MEGF6: variants seen among roughly 807,000 people sequenced by gnomAD.
MEGF6 encodes multiple epidermal growth factor-like domains protein 6.
Under a neutral mutation model 207.1 loss-of-function variants are expected in MEGF6, and 184 were observed. That is an observed-to-expected ratio of 0.89 (90% CI 0.79 to 1.00). The LOEUF (loss-of-function observed/expected upper bound fraction) is 1.00, where lower values mean the gene tolerates loss of function less well. MEGF6 is among the 50% of genes least tolerant of loss of function. The pLI is 0.00. For missense variants in MEGF6, 2,282 were observed against 2,202.9 expected, an observed-to-expected ratio of 1.04 and a Z score of -0.72; for synonymous variants, 1,038 against 910.0, an observed-to-expected ratio of 1.14 and a Z score of -2.53.
At chr1:3,512,413 C>G (rs1641385995) in intron 7 of MEGF6, among the ~76,000 whole-genome samples, 1 of 152,248 alleles carries the variant, frequency 6.6e-6, no homozygotes, top group Non-Finnish European at 1.5e-5. Flanking sequence ...CGTGGAACCA[C>G]ACACCACGAC....
rs2100944708 is a variant in MEGF6 at position 3,501,924 on chromosome 1, G to T, written c.2189-3C>A. The T allele has an allele frequency of 1.3e-6, 2 of 1,575,806 alleles. No homozygotes were observed. The highest frequency in any genetic ancestry group is 5.1e-5 in the East Asian group (2 of 39,440). Reference sequence around the variant, plus strand: ...GCCAAACGTCCCCACCGGGCACTCTGCAGGAGAAAGCACGAGGGGCCTTAG... The same window carrying T: ...GCCAAACGTCCCCACCGGGCACTCTTCAGGAGAAAGCACGAGGGGCCTTAG... On this transcript the variant is annotated splice_polypyrimidine_tract_variant and splice_region_variant and intron_variant, in intron 17 of 36. Transcript: ENST00000356575.
chr1:3,511,744 A>C, intron 8 of MEGF6, 57 bp from the exon 9 acceptor site: 1 of 1,566,866 alleles, frequency 6.4e-7, no homozygotes, highest in Non-Finnish European at 8.7e-7. Flanking sequence ...ACCCCCACCT[A>C]CCTTAGTTAC....
intron 4 of MEGF6, among the ~76,000 whole-genome samples, chr1:3,525,797 G>A (rs1044309240): frequency 4.6e-5 from 7 of 152,260 alleles, no homozygotes; most frequent in Non-Finnish European, 7.3e-5. Context: ...CAGGAACGCA[G>A]CGGGAAAGCA....
In MEGF6 at chr1:3,501,430, C is replaced by A. The variant is rs191039010; in HGVS notation, c.2315-122G>T. On this transcript the variant is annotated intron_variant, in intron 18 of 36. Transcript: ENST00000356575. ...GGTGGAACCACTGTTACCATCTCAG[C>A]CTGCCCCGGGGAGGGGAGAGGACCC... is the stretch of plus-strand genomic sequence containing the variant. 3.4e-4 allele frequency: 478 copies of A among 1,400,566 alleles called. 3 individuals are homozygous for A. The African/African-American group carries it at 5.8e-3, about 17-fold the overall frequency. 86.8% of individuals were successfully genotyped at this position (1,400,566 alleles called of 1,614,324 possible). A position where few individuals can be genotyped will look rare whatever the true frequency, so the allele number is the denominator to read the frequency against.
At chr1:3,509,018 G>A (rs1557732498) in intron 12 of MEGF6, 57 bp downstream of exon 12, 1 of 1,455,748 alleles carries the variant, frequency 6.9e-7, no homozygotes, top group South Asian at 1.4e-5. Flanking sequence ...TAGCCCGAGG[G>A]GTCGCTGGCT....
Position 3,558,429 on chromosome 1 carries a change from G to A in MEGF6, c.481+21396C>T, listed in dbSNP as rs182299881. Among the ~76,000 whole-genome samples, 678 of 152,318 alleles carry A rather than the reference G, an allele frequency of 4.5e-3. 8 individuals carry two copies. The highest frequency in any genetic ancestry group is 0.015 in the African/African-American group (616 of 41,578). On this transcript the variant is annotated intron_variant, in intron 4 of 36. Transcript: ENST00000356575. ...GCAGGAGGATCACTTGAGGCCAGGA[G>A]TTCAATATGTTGGGACAACTAAGGC...
At chr1:3,579,082 G>T (rs1643728306) in intron 4 of MEGF6, among the ~76,000 whole-genome samples, 1 of 152,242 alleles carries the variant, frequency 6.6e-6, no homozygotes, top group African/African-American at 2.4e-5. Flanking sequence ...AAAGCCCCAG[G>T]GCCACTGGGA....
chr1:3,576,125 C>A (rs1643634866), intron 4 of MEGF6, among the ~76,000 whole-genome samples: 1 of 152,256 alleles, frequency 6.6e-6, no homozygotes, highest in Non-Finnish European at 1.5e-5. Flanking sequence ...TGTGACTGCG[C>A]CGAGGCCTGC....
chr1:3,543,597 C>T (rs1429249576), intron 4 of MEGF6, among the ~76,000 whole-genome samples: 2 of 152,188 alleles, frequency 1.3e-5, no homozygotes, highest in South Asian at 2.1e-4. Flanking sequence ...AGGCCAGGGA[C>T]GGGGCAGGAG....
Position 3,501,932 on chromosome 1 carries a change from A to C in MEGF6, c.2189-11T>G, listed in dbSNP as rs1027392901. ...TCCCCACCGGGCACTCTGCAGGAGAAAGCACGAGGGGCCTTAGCCGCACCA... is the reference window on the plus strand; with the variant it reads ...TCCCCACCGGGCACTCTGCAGGAGACAGCACGAGGGGCCTTAGCCGCACCA... On this transcript the variant is annotated splice_polypyrimidine_tract_variant and intron_variant, in intron 17 of 36. Coordinates refer to ENST00000356575, the MANE Select transcript of MEGF6 (RefSeq NM_001409.4). 4.0e-6 allele frequency: 6 copies of C among 1,508,826 alleles called. No individual in the cohort carries two copies. The highest frequency in any genetic ancestry group is 5.3e-6 in the Non-Finnish European group (6 of 1,124,712). The allele number at this position is 1,508,826 out of a possible 1,614,324, so 93.5% of individuals were successfully genotyped here.
intron 6 of MEGF6, among the ~76,000 whole-genome samples, chr1:3,515,022 G>A (rs1173606524): frequency 6.6e-6 from 1 of 152,206 alleles, no homozygotes; most frequent in Admixed American, 6.5e-5. Flanking sequence ...AGGACCCAGA[G>A]GCCCAGGTGG....
At chr1:3,524,065 CCA>C (rs1252527005) in intron 5 of MEGF6, 57 bp downstream of exon 5, 34 of 1,575,364 alleles carry the variant, frequency 2.2e-5, no homozygotes, top group Non-Finnish European at 2.9e-5. Flanking sequence ...TGGGCACACC[CCA>C]GAGGGTAGGG....
intron 4 of MEGF6, among the ~76,000 whole-genome samples, chr1:3,541,953 A>C (rs1279968475): frequency 1.3e-5 from 2 of 151,938 alleles, no homozygotes; most frequent in African/African-American, 4.8e-5. Flanking sequence ...TCCGATGAAA[A>C]CCCAGCTCCA....
chr1:3,591,295 G>A lies in MEGF6; in HGVS notation c.376+4043C>T, dbSNP rs577209115. 1.3e-3 allele frequency among the ~76,000 whole-genome samples: 192 copies of A among 152,254 alleles called. 1 individual carries two copies. The highest frequency in any genetic ancestry group is 1.7e-3 in the East Asian group (9 of 5,150). On this transcript the variant is annotated intron_variant, in intron 3 of 36. Transcript: ENST00000356575. ...CAGGAAGAGATATCCCAGAACCACC[G>A]AGCAGGGGGTAAGGCCCTGGGCTCG...
chr1:3,530,064 C>T (rs1570066857), intron 4 of MEGF6, among the ~76,000 whole-genome samples: 1 of 152,238 alleles, frequency 6.6e-6, no homozygotes, highest in Non-Finnish European at 1.5e-5. Context: ...GAGCGCCCAG[C>T]GACACCCAGC....
intron 3 of MEGF6, among the ~76,000 whole-genome samples, chr1:3,587,404 T>G (rs1643907367): frequency 6.6e-6 from 1 of 152,290 alleles, no homozygotes; most frequent in African/African-American, 2.4e-5. Flanking sequence ...TTCCTCCCGT[T>G]GACCCTTTCT....
Position 3,488,145 on chromosome 1 carries a change from T to C in MEGF6, c.*2383A>G, listed in dbSNP as rs766106486. 1.3e-5 allele frequency among the ~76,000 whole-genome samples: 2 copies of C among 152,190 alleles called. No homozygotes were observed. Among genetic ancestry groups the C allele is most frequent in the Admixed American group, 1.3e-4 (2 of 15,280 alleles). ...CTTCTTGCTGCTTGAAACTATATAA[T>C]ATATGGTCAGGAGTTTGTTTTTCCG... On this transcript the variant is annotated 3_prime_UTR_variant, in exon 37 of 37. Transcript: ENST00000356575.
intron 4 of MEGF6, among the ~76,000 whole-genome samples, chr1:3,553,269 C>A (rs760372043): frequency 6.6e-6 from 1 of 151,834 alleles, no homozygotes; most frequent in African/African-American, 2.4e-5. Flanking sequence ...CTGCCCAGCT[C>A]CCCCCACCCC....
At chr1:3,529,260 G>A (rs1171309705) in intron 4 of MEGF6, among the ~76,000 whole-genome samples, 1 of 152,158 alleles carries the variant, frequency 6.6e-6, no homozygotes, top group Non-Finnish European at 1.5e-5. Context: ...GTGGGGGCCT[G>A]AGCCTGAGGT....
Sources: allele counts gnomAD v4.1 joint callset (sites outside exome capture counted in the v4.1 genomes callset), GRCh38; gene constraint gnomAD v4.1.1; transcripts MANE v1.5; gene names NCBI Gene and HGNC (gene_info 2026-07-23, HGNC 2026-07-21).